SPATA6: variants seen among roughly 807,000 people sequenced by gnomAD.
SPATA6 encodes the protein spermatogenesis-associated protein 6.
Under a neutral mutation model 65.3 loss-of-function variants are expected in SPATA6, and 56 were observed. The ratio of observed to expected loss-of-function variants is 0.86; its 90% CI spans 0.69 to 1.07. SPATA6 has a LOEUF of 1.07. Ranked by LOEUF, SPATA6 falls within the 50% of genes least tolerant of loss-of-function variation. The pLI, the probability that SPATA6 is intolerant of heterozygous loss-of-function variation, is 0.00. For synonymous variants in SPATA6, 199 were observed against 213.2 expected (o/e 0.93, Z 0.58); for missense variants, 590 against 594.8 (o/e 0.99, Z 0.08).
intron 12 of SPATA6, among the ~76,000 whole-genome samples, chr1:48,300,297 T>G (rs1164045336): frequency 6.6e-6 from 1 of 152,166 alleles, no homozygotes; most frequent in Non-Finnish European, 1.5e-5. Flanking sequence ...TTTTATAGAT[T>G]AGACCTTCCA....
chr1:48,444,281 T>C (rs1570597986), intron 3 of SPATA6, among the ~76,000 whole-genome samples: 1 of 151,934 alleles, frequency 6.6e-6, no homozygotes, highest in East Asian at 1.9e-4. Context: ...ATCAGCACTC[T>C]GTCTACCAAA....
chr1:48,304,816 A>G lies in SPATA6; in HGVS notation c.1286+971T>C, dbSNP rs78030485. Among the ~76,000 whole-genome samples the G allele has an allele frequency of 5.2e-3, 790 of 152,366 alleles. 20 individuals are homozygous for G. Among genetic ancestry groups the G allele is most frequent in the South Asian group, 0.05 (241 of 4,832 alleles). On this transcript the variant is annotated intron_variant, in intron 12 of 12. Transcript: ENST00000371847. ...CTTCTTGCCCAAATTAGAATTAATT[A>G]TATGGGTTAAGCACCCAAAATCGGG...
Position 48,453,111 on chromosome 1 carries a change from C to A in SPATA6, c.72G>T (p.Val24=), listed in dbSNP as rs766788042. 6.2e-7 allele frequency: 1 copy of A among 1,612,480 alleles called. No homozygotes were observed. The highest frequency in any genetic ancestry group is 1.1e-5 in the South Asian group (1 of 90,712). The change falls in exon 2 of 13, where the codon GTG becomes GTT. Residue 24 remains valine (V), a synonymous_variant. Transcript: ENST00000371847. ...GATAGATGTCCTCTTTGTCTTTAAG[C>A]ACGACTCCTGGGCAAGTTACCTGAA... is the stretch of plus-strand genomic sequence containing the variant. ...EISSVTCPGV[V]LKDKEDIYLS...
chr1:48,283,257 A>G, the SPATA6 span, among the ~76,000 whole-genome samples: 1 of 151,814 alleles, frequency 6.6e-6, no homozygotes, highest in African/African-American at 2.4e-5. Flanking sequence ...TGGGTGTAGC[A>G]CACCAGCATG....
At chr1:48,448,775 G>T (rs538122789) in intron 3 of SPATA6, among the ~76,000 whole-genome samples, 2 of 152,242 alleles carry the variant, frequency 1.3e-5, no homozygotes, top group African/African-American at 4.8e-5. Flanking sequence ...TAAATGAAAA[G>T]AAGCCAGAGA....
At chr1:48,407,514 G>A (rs1405245508) in intron 5 of SPATA6, among the ~76,000 whole-genome samples, 1 of 152,128 alleles carries the variant, frequency 6.6e-6, no homozygotes, top group African/African-American at 2.4e-5. Flanking sequence ...AACTGATTCT[G>A]TTCCCTCTGG....
At chr1:48,399,327 A>G (rs780935268) in intron 7 of SPATA6, 24 bp downstream of exon 7, 26 of 1,587,622 alleles carry the variant, frequency 1.6e-5, no homozygotes, top group Non-Finnish European at 2.1e-5. Context: ...AGTTTCAAAT[A>G]GAAATGCTTA....
intron 9 of SPATA6, among the ~76,000 whole-genome samples, chr1:48,381,299 C>T (rs141686273): frequency 6.6e-6 from 1 of 152,186 alleles, no homozygotes; most frequent in East Asian, 1.9e-4. Flanking sequence ...GTTATGAATC[C>T]TTAGATAGAT....
At chr1:48,404,985 G>A (rs1651563820) in intron 5 of SPATA6, among the ~76,000 whole-genome samples, 1 of 152,172 alleles carries the variant, frequency 6.6e-6, no homozygotes. Flanking sequence ...ATCAGACATT[G>A]ACCAAAGTAT....
intron 9 of SPATA6, among the ~76,000 whole-genome samples, chr1:48,384,938 G>C (rs1206733412): frequency 6.6e-6 from 1 of 152,132 alleles, no homozygotes. Flanking sequence ...TACTACAAAA[G>C]TTATACATAC....
chr1:48,428,614 A>C, intron 3 of SPATA6, among the ~76,000 whole-genome samples: 1 of 152,150 alleles, frequency 6.6e-6, no homozygotes, highest in East Asian at 1.9e-4. Context: ...AAACATATTC[A>C]TCATGAAGTT....
chr1:48,449,636 G>T (rs906468753), intron 3 of SPATA6, among the ~76,000 whole-genome samples: 1 of 152,154 alleles, frequency 6.6e-6, no homozygotes, highest in African/African-American at 2.4e-5. Context: ...GAGAGAAATC[G>T]ACATATATGG....
chr1:48,402,745 T>C (rs75002003), intron 6 of SPATA6: 8,743 of 152,258 alleles, frequency 0.057, 374 homozygotes, highest in African/African-American at 0.11. Context: ...CTTTGAGCCC[T>C]CTGGGCTTTA....
the SPATA6 span, among the ~76,000 whole-genome samples, chr1:48,289,146 C>T: frequency 6.6e-6 from 1 of 152,184 alleles, no homozygotes; most frequent in Non-Finnish European, 1.5e-5. Context: ...TGAGACGAAG[C>T]TTCCAGAGGA....
intron 9 of SPATA6, among the ~76,000 whole-genome samples, chr1:48,368,116 T>A (rs2148847517): frequency 6.6e-6 from 1 of 152,334 alleles, no homozygotes; most frequent in South Asian, 2.1e-4. Context: ...GAATGTTGAA[T>A]ATTGGCCCCC....
chr1:48,392,258 GAAGAA>G (rs1031999239), intron 8 of SPATA6, among the ~76,000 whole-genome samples: 6 of 152,184 alleles, frequency 3.9e-5, no homozygotes, highest in East Asian at 1.9e-4. Flanking sequence ...CAAATGAAGA[GAAGAA>G]AAGAAGTTTC....
intron 5 of SPATA6, among the ~76,000 whole-genome samples, chr1:48,410,195 T>G (rs1652083401): frequency 1.3e-5 from 2 of 152,186 alleles, no homozygotes; most frequent in Non-Finnish European, 2.9e-5. Flanking sequence ...AAATCATCTC[T>G]CTCAAGTTCA....
At chr1:48,346,194 T>C (rs1646359908) in intron 11 of SPATA6, among the ~76,000 whole-genome samples, 1 of 151,946 alleles carries the variant, frequency 6.6e-6, no homozygotes, top group Non-Finnish European at 1.5e-5. Context: ...AATCAAAAAA[T>C]GTGATTCATC....
chr1:48,402,392 A>C (rs552579222), intron 6 of SPATA6, among the ~76,000 whole-genome samples: 1 of 151,572 alleles, frequency 6.6e-6, no homozygotes, highest in African/African-American at 2.4e-5. Flanking sequence ...CAGCGTGAAG[A>C]AAAAAAAACT....
Sources: gnomAD v4.1 joint callset for allele counts (sites outside exome capture counted in the v4.1 genomes callset) on GRCh38, gnomAD v4.1.1 for gene constraint, MANE v1.5 for transcripts, NCBI Gene and HGNC (gene_info 2026-07-23, HGNC 2026-07-21) for gene names.